The following LY86 variants were observed in gnomAD, a reference collection of about 807,000 sequenced individuals.
The protein encoded by LY86 is MD-1, RP105-associated.
Under a neutral mutation model 17.3 loss-of-function variants are expected in LY86, and 20 were observed. The observed-to-expected ratio is 1.15, with a 90% CI of 0.81 to 1.68. The LOEUF is 1.68. Among genes scored for constraint, LY86 ranks in the 40% most tolerant of loss-of-function variants. The pLI is 0.00. For synonymous variants in LY86, 74 were observed against 70.6 expected, an observed-to-expected ratio of 1.05 and a Z score of -0.24; for missense variants, 200 against 191.9, an observed-to-expected ratio of 1.04 and a Z score of -0.25.
intron 2 of LY86, 95 bp downstream of exon 2, chr6:6,625,107 T>G: frequency 1.7e-6 from 1 of 580,448 alleles, no homozygotes; most frequent in Non-Finnish European, 3.0e-6. Flanking sequence ...AATGACTGGC[T>G]AAACTACTGT....
intron 1 of LY86, among the ~76,000 whole-genome samples, chr6:6,598,507 TACCA>T (rs1380819266): frequency 6.6e-6 from 1 of 152,230 alleles, no homozygotes; most frequent in African/African-American, 2.4e-5. Flanking sequence ...GGTTTTGACT[TACCA>T]ACCAATTGAT....
chr6:6,597,435 C>T (rs1055579241), intron 1 of LY86, among the ~76,000 whole-genome samples: 3 of 152,118 alleles, frequency 2.0e-5, no homozygotes, highest in Non-Finnish European at 2.9e-5. Flanking sequence ...CTGAACAAGG[C>T]GGGGTTTTCA....
At chr6:6,615,565 T>C (rs1431132868) in intron 1 of LY86, among the ~76,000 whole-genome samples, 1 of 151,862 alleles carries the variant, frequency 6.6e-6, no homozygotes, top group Admixed American at 6.6e-5. Flanking sequence ...CTACTAAAAA[T>C]ACAAAAATTA....
chr6:6,596,996 A>C (rs1215693022), intron 1 of LY86, among the ~76,000 whole-genome samples: 12 of 152,190 alleles, frequency 7.9e-5, no homozygotes, highest in African/African-American at 2.7e-4. Context: ...CCTTAGGCAA[A>C]ATCTTAATGG....
intron 1 of LY86, among the ~76,000 whole-genome samples, chr6:6,612,728 A>C (rs879843976): frequency 6.6e-6 from 1 of 152,226 alleles, no homozygotes; most frequent in African/African-American, 2.4e-5. Context: ...AGCTAGATGC[A>C]AAAGTTCTCC....
intron 1 of LY86, among the ~76,000 whole-genome samples, chr6:6,616,047 C>T (rs1761546128): frequency 6.6e-6 from 1 of 152,196 alleles, no homozygotes; most frequent in Non-Finnish European, 1.5e-5. Flanking sequence ...CAATTATTAA[C>T]TATCTATTAT....
In LY86 at chr6:6,624,939, T is replaced by G. The variant is rs750318701; in HGVS notation, c.150T>G (p.Asp50Glu). The G allele has an allele frequency of 6.5e-7, 1 of 1,548,958 alleles. No individual in the cohort carries two copies. Among genetic ancestry groups the G allele is most frequent in the Non-Finnish European group, 8.9e-7 (1 of 1,127,948 alleles). The change falls in exon 2 of 5, where the codon GAT becomes GAG. Residue 50 changes from aspartate (D) to glutamate (E), a missense_variant. By Grantham distance (45) the Asp-to-Glu change is conservative. Transcript: ENST00000230568. ...TCTTCTTCGTAGATCCATTACAAGATTTTGGCTTTTCTGTTGAAAAGTGTT... is the reference window on the plus strand; with the variant it reads ...TCTTCTTCGTAGATCCATTACAAGAGTTTGGCTTTTCTGTTGAAAAGTGTT... The part of the protein sequence containing the change: ...VLYQSCDPLQ[D>E]FGFSVEKCSK...
At chr6:6,603,330 T>C (rs1316614917) in intron 1 of LY86, among the ~76,000 whole-genome samples, 1 of 150,092 alleles carries the variant, frequency 6.7e-6, no homozygotes, top group Non-Finnish European at 1.5e-5. Context: ...AAAGCATTCA[T>C]GAACAGGACA....
chr6:6,606,021 C>G (rs143121107), intron 1 of LY86, among the ~76,000 whole-genome samples: 2 of 152,158 alleles, frequency 1.3e-5, no homozygotes, highest in African/African-American at 2.4e-5. Context: ...ACAAAACTTC[C>G]ACAGCACGTA....
At chr6:6,594,901 G>A (rs1760651043) in intron 1 of LY86, among the ~76,000 whole-genome samples, 1 of 152,150 alleles carries the variant, frequency 6.6e-6, no homozygotes, top group Non-Finnish European at 1.5e-5. Context: ...CCTGAGCCAT[G>A]ATACAAACCT....
chr6:6,624,862 T>G, intron 1 of LY86, 64 bp from the exon 2 acceptor site: 1 of 729,432 alleles, frequency 1.4e-6, no homozygotes, highest in South Asian at 1.6e-5. Context: ...TTGTTGCAAA[T>G]TTTGAATATG....
intron 1 of LY86, among the ~76,000 whole-genome samples, chr6:6,610,475 C>CA (rs1442088332): frequency 1.3e-5 from 2 of 152,146 alleles, no homozygotes; most frequent in African/African-American, 2.4e-5. Context: ...AAGCCTGGTA[C>CA]AGGAAGGAAG....
intron 1 of LY86, among the ~76,000 whole-genome samples, chr6:6,605,159 A>T (rs1202297781): frequency 6.6e-6 from 1 of 152,206 alleles, no homozygotes; most frequent in African/African-American, 2.4e-5. Context: ...CAACTTTATC[A>T]ATGAATGTAA....
At chr6:6,589,726 T>C (rs1760467262) in intron 1 of LY86, among the ~76,000 whole-genome samples, 1 of 152,116 alleles carries the variant, frequency 6.6e-6, no homozygotes, top group South Asian at 2.1e-4. Context: ...CTCTTCCCTC[T>C]GTGTACATCT....
chr6:6,612,753 T>G (rs1054005692), intron 1 of LY86, among the ~76,000 whole-genome samples: 3 of 152,200 alleles, frequency 2.0e-5, no homozygotes, highest in African/African-American at 7.2e-5. Context: ...CCCCACTAGA[T>G]TAGCTAGATA....
chr6:6,651,815 G>A (rs140065412), intron 4 of LY86, among the ~76,000 whole-genome samples: 8 of 152,060 alleles, frequency 5.3e-5, no homozygotes, highest in East Asian at 1.9e-4. Context: ...CAGCACTTTC[G>A]GAGGCCGAGG....
intron 3 of LY86, among the ~76,000 whole-genome samples, chr6:6,637,980 T>C (rs752567482): frequency 7.2e-5 from 11 of 152,246 alleles, no homozygotes; most frequent in Non-Finnish European, 5.9e-5. Flanking sequence ...GTTTTGCTGC[T>C]GGAAGTTAGG....
At chr6:6,626,506 C>T in intron 3 of LY86, 85 bp downstream of exon 3, 1 of 1,487,066 alleles carries the variant, frequency 6.7e-7, no homozygotes, top group South Asian at 1.2e-5. Context: ...ACGCCCAGAC[C>T]AGAGCTCTGT....
intron 1 of LY86, among the ~76,000 whole-genome samples, chr6:6,607,381 AAAGAG>A (rs1364722118): frequency 7.9e-5 from 12 of 152,242 alleles, no homozygotes; most frequent in African/African-American, 2.9e-4. Context: ...AAAATAGGAA[AAAGAG>A]AAGTTTATTT....
Sources: gnomAD v4.1 joint callset for allele counts (sites outside exome capture counted in the v4.1 genomes callset) on GRCh38, gnomAD v4.1.1 for gene constraint, MANE v1.5 for transcripts, NCBI Gene and HGNC (gene_info 2026-07-23, HGNC 2026-07-21) for gene names.